The following PDE4D variants were observed in gnomAD, a reference collection of about 807,000 sequenced individuals.
PDE4D encodes the protein phosphodiesterase 4D.
PDE4D carries 24 observed loss-of-function variants against 87.4 expected under a neutral mutation model. The ratio of observed to expected loss-of-function variants is 0.27; its 90% confidence interval spans 0.20 to 0.39. The LOEUF (loss-of-function observed/expected upper bound fraction) is 0.39. Among genes scored for constraint, PDE4D ranks in the 10% least tolerant of loss-of-function variants. PDE4D has a pLI of 1.00. For synonymous variants in PDE4D, 384 were observed against 383.2 expected, an observed-to-expected ratio of 1.00 and a Z score of -0.02; for missense variants, 714 against 1,041.0, an observed-to-expected ratio of 0.69 and a Z score of 4.32.
chr5:60,116,654 C>A (rs1047546035), intron 2 of PDE4D, among the ~76,000 whole-genome samples: 1 of 151,642 alleles, frequency 6.6e-6, no homozygotes. Flanking sequence ...TGGGAAAATT[C>A]GGTTGGTGCT....
intron 1 of PDE4D, among the ~76,000 whole-genome samples, chr5:60,473,839 G>T (rs1430210598): frequency 6.6e-6 from 1 of 151,436 alleles, no homozygotes; most frequent in East Asian, 2.0e-4. Context: ...ACTGTTTGAT[G>T]TACCATGCCC....
chr5:59,634,480 T>C (rs923755527), intron 1 of PDE4D, among the ~76,000 whole-genome samples: 3 of 152,238 alleles, frequency 2.0e-5, no homozygotes, highest in Middle Eastern at 6.8e-3. Context: ...GACCACATAA[T>C]TGGAAATAAA....
At chr5:60,165,262 C>A (rs143184825) in intron 2 of PDE4D, among the ~76,000 whole-genome samples, 64 of 152,298 alleles carry the variant, frequency 4.2e-4, no homozygotes, top group African/African-American at 1.5e-3. Context: ...TAAACATGGA[C>A]TGCCCTTTCA....
intron 1 of PDE4D, chr5:59,586,258 C>T: frequency 8.5e-7 from 1 of 1,177,682 alleles, no homozygotes; most frequent in Non-Finnish European, 1.3e-6. Context: ...AAGACAAATC[C>T]TCATCTGGTA....
chr5:60,184,002 T>C lies in PDE4D; in HGVS notation c.42+1555A>G, dbSNP rs189583049. 2.0e-3 allele frequency among the ~76,000 whole-genome samples: 309 copies of C among 152,328 alleles called. 4 individuals are homozygous for C. Among genetic ancestry groups the C allele is most frequent in the African/African-American group, 7.1e-3 (296 of 41,584 alleles). ...GCAGTGAAATGAGAGTTCTACTGTT[T>C]ACATTTTGACAAATGTAGGCAACTC... On this transcript the variant is annotated intron_variant, in intron 2 of 16. Coordinates refer to the PDE4D transcript ENST00000502484.
At chr5:59,874,369 A>G (rs1279382265) in intron 1 of PDE4D, among the ~76,000 whole-genome samples, 1 of 152,222 alleles carries the variant, frequency 6.6e-6, no homozygotes, top group East Asian at 1.9e-4. Flanking sequence ...GACACCATGA[A>G]TAAAACTGAA....
At chr5:59,800,702 G>C (rs1767026034) in intron 1 of PDE4D, among the ~76,000 whole-genome samples, 1 of 151,586 alleles carries the variant, frequency 6.6e-6, no homozygotes, top group Non-Finnish European at 1.5e-5. Context: ...TAGAAAGAGT[G>C]AGCTCACAGT....
chr5:60,173,437 T>A lies in PDE4D; in HGVS notation c.42+12120A>T, dbSNP rs562518031. 6.6e-5 allele frequency among the ~76,000 whole-genome samples: 10 copies of A among 152,286 alleles called. No homozygotes were observed. The East Asian group carries it at 1.9e-3, about 29-fold the overall frequency. On this transcript the variant is annotated intron_variant, in intron 2 of 16. Transcript: ENST00000502484. ...TTCTTATTAGTCACATTAACACATATATTAGACTTTAATTCCATTCGAATC... is the reference window on the plus strand; with the variant it reads ...TTCTTATTAGTCACATTAACACATAAATTAGACTTTAATTCCATTCGAATC...
At chr5:60,474,971 C>T (rs1252433436) in intron 1 of PDE4D, among the ~76,000 whole-genome samples, 1 of 152,118 alleles carries the variant, frequency 6.6e-6, no homozygotes, top group African/African-American at 2.4e-5. Context: ...GCTTGAATGG[C>T]TTTATTTTCA....
intron 1 of PDE4D, among the ~76,000 whole-genome samples, chr5:59,655,720 A>G (rs985819544): frequency 2.0e-5 from 3 of 152,230 alleles, no homozygotes; most frequent in Non-Finnish European, 4.4e-5. Context: ...TGGCCCAACC[A>G]GAAACAGAAA....
At chr5:59,295,620 C>T (rs1768912718) in intron 1 of PDE4D, among the ~76,000 whole-genome samples, 1 of 152,118 alleles carries the variant, frequency 6.6e-6, no homozygotes, top group South Asian at 2.1e-4. Flanking sequence ...GGCCAAGGAT[C>T]ATAGGAAAAA....
intron 1 of PDE4D, among the ~76,000 whole-genome samples, chr5:59,878,563 T>C (rs1164341504): frequency 6.6e-6 from 1 of 152,172 alleles, no homozygotes; most frequent in African/African-American, 2.4e-5. Flanking sequence ...TTCGCCCACC[T>C]CGGCCTCCCA....
At chr5:59,522,181 A>G (rs1812359854) in intron 1 of PDE4D, among the ~76,000 whole-genome samples, 1 of 152,246 alleles carries the variant, frequency 6.6e-6, no homozygotes, top group South Asian at 2.1e-4. Flanking sequence ...TGGAATAGTT[A>G]ATTGAATGGC....
chr5:59,933,771 G>GATATATATTATATATAT (rs1756237746), intron 3 of PDE4D, among the ~76,000 whole-genome samples: 1 of 25,994 alleles, frequency 3.8e-5, no homozygotes, highest in African/African-American at 2.2e-4. Flanking sequence ...TGTAAAAGGA[G>GATATATATTATATATAT]ATATATATAT....
chr5:60,441,170 G>A (rs560577149), intron 1 of PDE4D, among the ~76,000 whole-genome samples: 2 of 152,086 alleles, frequency 1.3e-5, no homozygotes, highest in South Asian at 2.1e-4. Flanking sequence ...GAGGCATCAC[G>A]CTACCTGACT....
chr5:59,075,905 T>G (rs952584228), intron 5 of PDE4D, among the ~76,000 whole-genome samples: 1 of 152,180 alleles, frequency 6.6e-6, no homozygotes, highest in Admixed American at 6.5e-5. Flanking sequence ...ATATTTTCTG[T>G]AAATGAGGTT....
intron 1 of PDE4D, among the ~76,000 whole-genome samples, chr5:59,525,316 CT>C (rs1193165983): frequency 2.6e-5 from 4 of 152,344 alleles, no homozygotes; most frequent in African/African-American, 9.6e-5. Context: ...CATTTTGGAA[CT>C]TTAATGTTTA....
At chr5:60,450,493 G>C (rs906730400) in intron 1 of PDE4D, among the ~76,000 whole-genome samples, 3 of 152,092 alleles carry the variant, frequency 2.0e-5, no homozygotes, top group African/African-American at 7.2e-5. Flanking sequence ...GGACAAAAGG[G>C]CTGAGTGAGC....
At chr5:59,326,688 A>G (rs1292237018) in intron 1 of PDE4D, among the ~76,000 whole-genome samples, 1 of 152,174 alleles carries the variant, frequency 6.6e-6, no homozygotes, top group Non-Finnish European at 1.5e-5. Context: ...GCCCTGCACT[A>G]CAGACATTGA....
Sources: gnomAD v4.1 joint callset for allele counts (sites outside exome capture counted in the v4.1 genomes callset) on GRCh38, gnomAD v4.1.1 for gene constraint, MANE v1.5 for transcripts, NCBI Gene and HGNC (gene_info 2026-07-23, HGNC 2026-07-21) for gene names.